Variants in MED12L observed in about 807,000 individuals in gnomAD.
MED12L encodes the protein mediator of RNA polymerase II transcription subunit 12-like protein.
MED12L carries 60 observed loss-of-function variants against 281.3 expected under a neutral mutation model. That is an observed-to-expected ratio of 0.21 (90% CI 0.17 to 0.26). The LOEUF is 0.26. MED12L is among the 10% of genes least tolerant of loss of function. MED12L has a pLI of 1.00. For missense variants in MED12L, 2,146 were observed against 2,680.9 expected, an observed-to-expected ratio of 0.80 and a Z score of 4.41; for synonymous variants, 974 against 987.2, an observed-to-expected ratio of 0.99 and a Z score of 0.25.
At chr3:151,162,827 C>T (rs1449389335) in intron 8 of MED12L, among the ~76,000 whole-genome samples, 1 of 152,170 alleles carries the variant, frequency 6.6e-6, no homozygotes, top group African/African-American at 2.4e-5. Context: ...CACTTTAAAG[C>T]TGTTACAGAC....
At chr3:151,107,822 A>C (rs1449276084) in intron 2 of MED12L, among the ~76,000 whole-genome samples, 1 of 152,170 alleles carries the variant, frequency 6.6e-6, no homozygotes, top group African/African-American at 2.4e-5. Context: ...AGCCACCAAG[A>C]TACAGAGATC....
At chr3:151,328,813 G>T (rs1262461075) in intron 16 of MED12L, 1 of 1,613,862 alleles carries the variant, frequency 6.2e-7, no homozygotes, top group Non-Finnish European at 8.5e-7. Flanking sequence ...TGTTTTTGAG[G>T]TAGATGATGA....
chr3:151,375,043 G>A (rs1756659186), intron 27 of MED12L, among the ~76,000 whole-genome samples: 1 of 152,228 alleles, frequency 6.6e-6, no homozygotes, highest in South Asian at 2.1e-4. Flanking sequence ...TATGGTAAAA[G>A]ATAGCTACAT....
chr3:151,319,850 T>G (rs1433558505), intron 16 of MED12L, among the ~76,000 whole-genome samples: 2 of 152,080 alleles, frequency 1.3e-5, no homozygotes, highest in Non-Finnish European at 2.9e-5. Flanking sequence ...GTCACAGAAA[T>G]TCAAATGAGG....
intron 38 of MED12L, among the ~76,000 whole-genome samples, chr3:151,393,842 C>G (rs887708032): frequency 1.1e-4 from 16 of 152,112 alleles, no homozygotes; most frequent in African/African-American, 3.9e-4. Flanking sequence ...TTGTTTTCAT[C>G]ATACACCTTG....
chr3:151,302,293 A>G (rs892651680), intron 16 of MED12L, among the ~76,000 whole-genome samples: 5 of 152,200 alleles, frequency 3.3e-5, no homozygotes, highest in African/African-American at 1.2e-4. Flanking sequence ...TGGTAAGGCA[A>G]TTCTTGAATT....
Position 151,179,651 on chromosome 3 carries a change from C to T in MED12L, c.1495-5679C>T, listed in dbSNP as rs368056399. 1.1e-4 allele frequency among the ~76,000 whole-genome samples: 16 copies of T among 152,270 alleles called. 1 individual carries two copies. In the South Asian group the frequency reaches 2.3e-3, roughly 22 times the overall value. ...AGAGACACTGTCTGAGGGCTGAGAA[C>T]GACCCCTCTTGGATAGGACTTGGGA... On this transcript the variant is annotated intron_variant, in intron 11 of 44. Transcript: ENST00000687756.
intron 39 of MED12L, 149 bp from the exon 40 acceptor site, chr3:151,409,094 T>C (rs1280811997): frequency 1.6e-6 from 1 of 607,240 alleles, no homozygotes; most frequent in East Asian, 2.9e-5. Context: ...AGGATATTGA[T>C]GAGAAATAAT....
chr3:151,328,183 C>T lies in MED12L; in HGVS notation c.2251-21876C>T, dbSNP rs1322689309. 7 of 1,612,024 alleles carry T rather than the reference C, an allele frequency of 4.3e-6. No homozygotes were observed. In the Admixed American group the frequency reaches 6.7e-5, roughly 15 times the overall value. On this transcript the variant is annotated intron_variant, in intron 16 of 44. Coordinates refer to ENST00000687756, the MANE Select transcript of MED12L (RefSeq NM_001393769.1). Reference sequence around the variant, plus strand: ...CTTTAGCAATAAACAGTTGATTTTGCAGTCTACAGTCAGTCTTATTGTTGG... The same window carrying T: ...CTTTAGCAATAAACAGTTGATTTTGTAGTCTACAGTCAGTCTTATTGTTGG...
chr3:151,317,483 C>T (rs1194073641), intron 16 of MED12L, among the ~76,000 whole-genome samples: 5 of 99,448 alleles, frequency 5.0e-5, no homozygotes, highest in Non-Finnish European at 9.2e-5. Context: ...CGGAGTCTCA[C>T]ACTGTTGCCC....
chr3:151,108,464 A>G (rs1006666834), intron 2 of MED12L, among the ~76,000 whole-genome samples: 1 of 152,134 alleles, frequency 6.6e-6, no homozygotes, highest in African/African-American at 2.4e-5. Context: ...CAGTTTCCCA[A>G]ACTGGGGTTT....
chr3:151,314,771 C>G (rs1748013871), intron 16 of MED12L, among the ~76,000 whole-genome samples: 1 of 152,182 alleles, frequency 6.6e-6, no homozygotes, highest in Non-Finnish European at 1.5e-5. Flanking sequence ...AGCATATCAC[C>G]TGGATCGTGG....
intron 2 of MED12L, among the ~76,000 whole-genome samples, chr3:151,114,642 G>A (rs1052728263): frequency 1.3e-5 from 2 of 152,174 alleles, no homozygotes; most frequent in African/African-American, 4.8e-5. Context: ...AGTGAGGGGA[G>A]CAGGAGGTAG....
chr3:151,355,870 C>T, intron 18 of MED12L, 26 bp from the exon 19 acceptor site: 2 of 1,586,326 alleles, frequency 1.3e-6, no homozygotes, highest in Non-Finnish European at 8.6e-7. Flanking sequence ...ATTGGTCTTA[C>T]AATATTTTTG....
intron 16 of MED12L, among the ~76,000 whole-genome samples, chr3:151,302,682 C>T (rs1341310898): frequency 6.6e-6 from 1 of 152,094 alleles, no homozygotes; most frequent in Admixed American, 6.6e-5. Flanking sequence ...TTTCTTCATA[C>T]CCATTCCTGC....
chr3:151,363,624 T>C (rs1388624), intron 21 of MED12L, among the ~76,000 whole-genome samples: 116,299 of 152,176 alleles, frequency 0.76, 45,115 homozygotes, highest in African/African-American at 0.89. Flanking sequence ...TTTTTTAAAA[T>C]ATAAGTTGTC....
At chr3:151,151,590 T>TG (rs1430667311) in intron 5 of MED12L, among the ~76,000 whole-genome samples, 3 of 99,064 alleles carry the variant, frequency 3.0e-5, no homozygotes, top group Non-Finnish European at 1.9e-5. Context: ...TGAAGTTGGG[T>TG]GGGGGGTGGG....
At chr3:151,406,649 G>A (rs1395898737) in intron 39 of MED12L, among the ~76,000 whole-genome samples, 1 of 151,920 alleles carries the variant, frequency 6.6e-6, no homozygotes, top group Non-Finnish European at 1.5e-5. Context: ...AAAATGTTAG[G>A]GTGTGTACCT....
intron 16 of MED12L, among the ~76,000 whole-genome samples, chr3:151,207,534 GTC>G (rs1446026838): frequency 2.0e-5 from 3 of 152,054 alleles, no homozygotes; most frequent in Non-Finnish European, 4.4e-5. Flanking sequence ...GGGCTTGGGT[GTC>G]TCTGTGAGGA....
Sources: gnomAD v4.1 joint callset for allele counts (sites outside exome capture counted in the v4.1 genomes callset) on GRCh38, gnomAD v4.1.1 for gene constraint, MANE v1.5 for transcripts, NCBI Gene and HGNC (gene_info 2026-07-23, HGNC 2026-07-21) for gene names.